MEG3: variants seen among roughly 807,000 people sequenced by gnomAD.
MEG3 encodes Very putative protein from MEG3 locus.
At chr14:100,853,855 C>T (rs549956034), upstream of MEG3, 10 of 152,306 alleles carry the variant, frequency 6.6e-5, no homozygotes, top group Non-Finnish European at 8.8e-5. Flanking sequence ...AGATCAGTTT[C>T]CCCTGCTAGA....
At chr14:100,857,485 C>T (rs144875457) in exon 1 of MEG3, 2 of 152,292 alleles carry the variant, frequency 1.3e-5, no homozygotes, top group East Asian at 3.9e-4. Flanking sequence ...CTTTACTAGT[C>T]CTAAGTGAAT....
intron 3 of MEG3, chr14:100,848,102 A>G (rs2037969243): frequency 6.6e-6 from 1 of 152,230 alleles, no homozygotes; most frequent in East Asian, 1.9e-4. Flanking sequence ...AGAGAGAAAC[A>G]ATAAAAAATG....
exon 1 of MEG3, chr14:100,834,439 T>C (rs1248912616): frequency 7.2e-6 from 2 of 277,112 alleles, no homozygotes; most frequent in Non-Finnish European, 1.4e-5. Context: ...CTTTCAAAAG[T>C]TAACTCCCCA....
chr14:100,839,434 G>C (rs918337796), intron 2 of MEG3, among the ~76,000 whole-genome samples: 21 of 152,334 alleles, frequency 1.4e-4, no homozygotes, highest in Non-Finnish European at 2.8e-4. Flanking sequence ...AGATGGAAGA[G>C]TCTAGAAAAG....
At chr14:100,839,244 G>A (rs1187778346) in intron 2 of MEG3, among the ~76,000 whole-genome samples, 1 of 152,140 alleles carries the variant, frequency 6.6e-6, no homozygotes. Context: ...CCAGCATTGT[G>A]AGCTGCAGTG....
chr14:100,857,013 C>A (rs1260540574), upstream of MEG3: 1 of 152,096 alleles, frequency 6.6e-6, no homozygotes, highest in Non-Finnish European at 1.5e-5. Flanking sequence ...CGAGTGGTAG[C>A]GCTTACGTTT....
At chr14:100,853,544 T>G (rs2140001728), upstream of MEG3, 1 of 151,966 alleles carries the variant, frequency 6.6e-6, no homozygotes, top group East Asian at 1.9e-4. Context: ...ATCCCTTCTT[T>G]AAAAAAACCT....
At chr14:100,852,375 T>A (rs1196324477), upstream of MEG3, 3 of 533,992 alleles carry the variant, frequency 5.6e-6, no homozygotes, top group South Asian at 4.2e-5. Context: ...GCGGAGGACA[T>A]GGAATTCATG....
intron 3 of MEG3, chr14:100,847,163 G>A (rs1003680523): frequency 1.3e-5 from 2 of 152,004 alleles, no homozygotes; most frequent in Non-Finnish European, 2.9e-5. Flanking sequence ...CACAGAGAAC[G>A]AGTTCAAAGA....
intron 3 of MEG3, chr14:100,848,781 A>T (rs1013284226): frequency 1.3e-5 from 2 of 152,206 alleles, no homozygotes; most frequent in East Asian, 3.8e-4. Flanking sequence ...ATTCCATAGG[A>T]TGCAAGAAAA....
chr14:100,842,623 G>T (rs1358155495), intron 2 of MEG3, among the ~76,000 whole-genome samples: 1 of 152,112 alleles, frequency 6.6e-6, no homozygotes, highest in Non-Finnish European at 1.5e-5. Context: ...GTAACGACGG[G>T]CTCTATTTCT....
intron 3 of MEG3, chr14:100,847,325 G>A (rs1387415214): frequency 6.6e-6 from 1 of 152,224 alleles, no homozygotes; most frequent in African/African-American, 2.4e-5. Flanking sequence ...TGCGTGTGTG[G>A]ATGGATGAAT....
chr14:100,833,178 T>TG (rs11448708), downstream of MEG3: 64,329 of 152,058 alleles, frequency 0.42, 14,310 homozygotes, highest in East Asian at 0.5. Context: ...CTGTTGAAAT[T>TG]GGGCACAGGG....
At chr14:100,838,818 A>T (rs1311353352) in intron 2 of MEG3, among the ~76,000 whole-genome samples, 2 of 151,848 alleles carry the variant, frequency 1.3e-5, no homozygotes, top group Non-Finnish European at 2.9e-5. Flanking sequence ...CTCAGGCCTG[A>T]GCTCGTGGAA....
intron 2 of MEG3, among the ~76,000 whole-genome samples, chr14:100,839,818 G>A (rs2037697699): frequency 6.6e-6 from 1 of 152,214 alleles, no homozygotes; most frequent in East Asian, 1.9e-4. Context: ...GACATGGAGA[G>A]ACCCCTTATC....
In MEG3 at chr14:100,844,458, T is replaced by G. The variant is rs8011521; in HGVS notation, n.3046-1000T>G. 3.4e-3 allele frequency among the ~76,000 whole-genome samples: 510 copies of G among 147,954 alleles called. 3 individuals are homozygous for G. Among genetic ancestry groups the G allele is most frequent in the African/African-American group, 0.012 (472 of 40,548 alleles). On this transcript the variant is annotated intron_variant and non_coding_transcript_variant, in intron 2 of 3. Coordinates refer to the MEG3 transcript ENST00000398461. The stretch of plus-strand genomic sequence containing the variant: ...TTTAAAAGCCATTCATTCAACACAT[T>G]TTTTAAATGAATAAACTTTTTTTCT...
At chr14:100,826,580 C>T (rs886627305) in intron 1 of MEG3, among the ~76,000 whole-genome samples, 1 of 152,110 alleles carries the variant, frequency 6.6e-6, no homozygotes, top group African/African-American at 2.4e-5. Context: ...TATTAGAAGC[C>T]GCCTCTAGAA....
At chr14:100,852,376 G>C (rs368067989), upstream of MEG3, 5 of 533,968 alleles carry the variant, frequency 9.4e-6, no homozygotes, top group East Asian at 1.6e-4. Context: ...CGGAGGACAT[G>C]GAATTCATGT....
chr14:100,835,754 G>A (rs943277739), exon 1 of MEG3: 3 of 174,318 alleles, frequency 1.7e-5, no homozygotes, highest in South Asian at 1.5e-4. Flanking sequence ...CAGTGCCCCC[G>A]ACAAGCCCCT....
Sources: gnomAD v4.1 joint callset for allele counts (sites outside exome capture counted in the v4.1 genomes callset) on GRCh38, gnomAD v4.1.1 for gene constraint, MANE v1.5 for transcripts, NCBI Gene and HGNC (gene_info 2026-07-23, HGNC 2026-07-21) for gene names.